The following SPAG16 variants were observed in gnomAD, a reference collection of about 807,000 sequenced individuals.
The protein encoded by SPAG16 is sperm associated antigen 16.
In SPAG16, 86 loss-of-function variants were observed where a neutral mutation model predicts 80.4. The observed-to-expected ratio is 1.07, with a 90% CI of 0.90 to 1.28. The LOEUF (loss-of-function observed/expected upper bound fraction) is 1.28, where lower values mean the gene tolerates loss of function less well. SPAG16 is among the 50% of genes most tolerant of loss of function. The probability of loss-of-function intolerance (pLI) is 0.00; values close to 1 mark genes in which losing one functional copy is unlikely to be tolerated. For synonymous variants in SPAG16, 294 were observed against 265.9 expected, an observed-to-expected ratio of 1.11 and a Z score of -1.03; for missense variants, 870 against 765.3, an observed-to-expected ratio of 1.14 and a Z score of -1.61.
chr2:214,292,620 A>T (rs1019330471), intron 15 of SPAG16, among the ~76,000 whole-genome samples: 1 of 152,058 alleles, frequency 6.6e-6, no homozygotes, highest in Admixed American at 6.5e-5. Context: ...CTTTAAACTC[A>T]GCATTTTGAA....
At chr2:213,606,780 C>T (rs1220152645) in intron 10 of SPAG16, among the ~76,000 whole-genome samples, 5 of 152,174 alleles carry the variant, frequency 3.3e-5, no homozygotes, top group Admixed American at 1.3e-4. Flanking sequence ...TAGCAATGAA[C>T]CTTTCCCTAA....
intron 13 of SPAG16, among the ~76,000 whole-genome samples, chr2:214,055,033 A>C (rs1272652942): frequency 6.6e-6 from 1 of 152,198 alleles, no homozygotes; most frequent in Non-Finnish European, 1.5e-5. Context: ...GGAGTGACAC[A>C]GCATATAAGG....
At chr2:213,905,797 G>A (rs1459799357) in intron 11 of SPAG16, among the ~76,000 whole-genome samples, 8 of 152,092 alleles carry the variant, frequency 5.3e-5, no homozygotes, top group Non-Finnish European at 7.4e-5. Context: ...GGTTATAAGC[G>A]ATGCCCACCC....
chr2:214,204,652 C>G (rs531605138), intron 15 of SPAG16, among the ~76,000 whole-genome samples: 2 of 152,278 alleles, frequency 1.3e-5, no homozygotes, highest in African/African-American at 2.4e-5. Flanking sequence ...AAGGGAGCAC[C>G]CTCTTGGACA....
At chr2:213,438,883 A>T (rs996514557) in intron 9 of SPAG16, among the ~76,000 whole-genome samples, 1 of 152,226 alleles carries the variant, frequency 6.6e-6, no homozygotes, top group African/African-American at 2.4e-5. Flanking sequence ...ATGGCCTGTA[A>T]GAAGGTAAAC....
chr2:213,350,675 T>TGATTAAAA, intron 7 of SPAG16, 30 bp downstream of exon 7: 2 of 1,265,008 alleles, frequency 1.6e-6, no homozygotes, highest in Non-Finnish European at 2.2e-6. Context: ...TAACTTAAAA[T>TGATTAAAA]GATCTTTTAA....
intron 12 of SPAG16, among the ~76,000 whole-genome samples, chr2:213,995,984 C>T (rs77072898): frequency 0.025 from 3,873 of 152,244 alleles, 161 homozygotes; most frequent in African/African-American, 0.089. Context: ...TGAAAGCTTC[C>T]CTAAAGCCTT....
rs774887243 is a variant in SPAG16 at position 213,440,331 on chromosome 2, C to T, written c.943-49632C>T. On this transcript the variant is annotated intron_variant, in intron 9 of 15. Transcript: ENST00000331683. ...TTGGGAGGCTGAGGCAGGCAGATCA[C>T]GAGGTCAGGAGATTGAGACCATCCT... Among the ~76,000 whole-genome samples the T allele has an allele frequency of 5.3e-5, 8 of 151,976 alleles. No homozygotes were observed. The East Asian group carries it at 5.8e-4, about 11-fold the overall frequency.
intron 15 of SPAG16, among the ~76,000 whole-genome samples, chr2:214,276,210 C>T (rs904623328): frequency 3.9e-5 from 6 of 152,188 alleles, no homozygotes; most frequent in African/African-American, 1.4e-4. Context: ...GATGGGTCTC[C>T]TGAATACAGC....
intron 10 of SPAG16, among the ~76,000 whole-genome samples, chr2:213,844,881 TATTTTGCATACATAGCAATAC>T (rs1307814148): frequency 6.6e-6 from 1 of 152,234 alleles, no homozygotes; most frequent in Non-Finnish European, 1.5e-5. Flanking sequence ...ATGGTAAAAT[TATTTTGCATACATAGCAATAC>T]AAATAAATTG....
At chr2:213,704,907 C>T (rs1051836048) in intron 10 of SPAG16, among the ~76,000 whole-genome samples, 2 of 151,736 alleles carry the variant, frequency 1.3e-5, no homozygotes, top group African/African-American at 2.4e-5. Context: ...TTTGTCCAGA[C>T]GAAAAGCGAA....
chr2:213,625,413 A>G (rs540689884), intron 10 of SPAG16, among the ~76,000 whole-genome samples: 3 of 152,134 alleles, frequency 2.0e-5, no homozygotes, highest in Admixed American at 6.5e-5. Context: ...CACCTCGTGT[A>G]CCCCCCGTAA....
chr2:214,354,919 T>C (rs918537673), intron 15 of SPAG16, among the ~76,000 whole-genome samples: 2 of 152,138 alleles, frequency 1.3e-5, no homozygotes, highest in Non-Finnish European at 2.9e-5. Flanking sequence ...TGGGGTTTTC[T>C]AGATATACAA....
rs900922126 is a variant in SPAG16, at chr2:214,043,820, G to A, written c.1527+29743G>A. On this transcript the variant is annotated intron_variant, in intron 13 of 15. Transcript: ENST00000331683. ...GATTAGAAAATAATGTCAATAGTTT[G>A]TATATTTAATACTATATATGTTTAT... Among the ~76,000 whole-genome samples the A allele has an allele frequency of 3.9e-5, 6 of 151,970 alleles. No homozygotes were observed. The South Asian group carries it at 6.2e-4, about 16-fold the overall frequency.
At chr2:214,188,970 C>A (rs2057569612) in intron 15 of SPAG16, among the ~76,000 whole-genome samples, 1 of 152,060 alleles carries the variant, frequency 6.6e-6, no homozygotes, top group Non-Finnish European at 1.5e-5. Context: ...ACATTTTATA[C>A]ATAGCAACAT....
rs553155307 is a variant in SPAG16 at position 213,880,460 on chromosome 2, G to A, written c.1214+17832G>A. ...TACTCTGTTGATACTTTCTTTTGCTGTGCAGATCTTTAGTTTAATTAGGTC... is the reference window on the plus strand; with the variant it reads ...TACTCTGTTGATACTTTCTTTTGCTATGCAGATCTTTAGTTTAATTAGGTC... On this transcript the variant is annotated intron_variant, in intron 11 of 15. Coordinates refer to ENST00000331683, the MANE Select transcript of SPAG16 (RefSeq NM_024532.5). 3.3e-5 allele frequency among the ~76,000 whole-genome samples: 5 copies of A among 152,238 alleles called. No individual in the cohort carries two copies. The South Asian group carries it at 1.0e-3, about 32-fold the overall frequency.
intron 11 of SPAG16, among the ~76,000 whole-genome samples, chr2:213,910,173 T>C (rs1017016804): frequency 5.3e-5 from 8 of 152,176 alleles, no homozygotes; most frequent in Admixed American, 3.3e-4. Flanking sequence ...CTAATAGCCT[T>C]TTTATGAATT....
chr2:213,362,098 G>A (rs1212681345), intron 7 of SPAG16, among the ~76,000 whole-genome samples: 1 of 152,078 alleles, frequency 6.6e-6, no homozygotes, highest in Non-Finnish European at 1.5e-5. Flanking sequence ...GGAAGAAGGA[G>A]GAGGTAAAAC....
At chr2:213,733,544 G>T (rs114004450) in intron 10 of SPAG16, among the ~76,000 whole-genome samples, 1,536 of 144,110 alleles carry the variant, frequency 0.011, 27 homozygotes, top group African/African-American at 0.036. Context: ...TGAGAACATC[G>T]TGGGGATTCT....
Sources: gnomAD v4.1 joint callset for allele counts (sites outside exome capture counted in the v4.1 genomes callset) on GRCh38, gnomAD v4.1.1 for gene constraint, MANE v1.5 for transcripts, NCBI Gene and HGNC (gene_info 2026-07-23, HGNC 2026-07-21) for gene names.